NLGN1: variants seen among roughly 807,000 people sequenced by gnomAD.
NLGN1 encodes neuroligin-1.
Under a neutral mutation model 65.5 loss-of-function variants are expected in NLGN1, and 12 were observed. The ratio of observed to expected loss-of-function variants is 0.18; its 90% CI spans 0.12 to 0.30. The LOEUF is 0.30. Ranked by LOEUF, NLGN1 falls within the 10% of genes least tolerant of loss-of-function variation. The pLI, the probability that NLGN1 is intolerant of heterozygous loss-of-function variation, is 1.00. For missense variants in NLGN1, 750 were observed against 1,007.1 expected (o/e 0.74, Z 3.46); for synonymous variants, 350 against 359.5 (o/e 0.97, Z 0.30).
At chr3:173,685,372 G>A (rs1341272817) in intron 3 of NLGN1, among the ~76,000 whole-genome samples, 1 of 152,128 alleles carries the variant, frequency 6.6e-6, no homozygotes, top group Non-Finnish European at 1.5e-5. Flanking sequence ...GAGGTTACTA[G>A]TATCTTATGA....
intron 4 of NLGN1, among the ~76,000 whole-genome samples, chr3:174,157,985 A>G (rs2152714888): frequency 1.3e-5 from 2 of 151,908 alleles, no homozygotes; most frequent in East Asian, 1.9e-4. Context: ...TTCTGCCTTA[A>G]GTAGAAAGTA....
intron 4 of NLGN1, among the ~76,000 whole-genome samples, chr3:173,985,160 T>G (rs761896613): frequency 6.6e-6 from 1 of 152,196 alleles, no homozygotes; most frequent in Non-Finnish European, 1.5e-5. Flanking sequence ...AATAGAGAAT[T>G]ATGACGATTT....
At chr3:173,512,502 C>T (rs902291394) in intron 2 of NLGN1, among the ~76,000 whole-genome samples, 3 of 152,138 alleles carry the variant, frequency 2.0e-5, no homozygotes, top group Admixed American at 6.5e-5. Flanking sequence ...TGCTTCTTCC[C>T]GATGTCCAGC....
rs184623265 is a variant in NLGN1 at position 173,605,167 on chromosome 3, A to T, written c.493+76A>T. On this transcript the variant is annotated intron_variant, in intron 3 of 6. Coordinates refer to ENST00000457714, the Ensembl canonical transcript of NLGN1. ...TTCTAAGTTCTAACAATATTAATTC[A>T]TGTGTACTGGTAGTATGCATGGCTT... is the stretch of plus-strand genomic sequence containing the variant. The T allele has an allele frequency of 3.3e-6, 4 of 1,210,370 alleles. No individual in the cohort carries two copies. The East Asian group carries it at 1.0e-4, about 30-fold the overall frequency. The allele number at this position is 1,210,370 out of a possible 1,614,324, so 75.0% of individuals were successfully genotyped here.
chr3:173,906,808 C>G (rs1042399721), intron 4 of NLGN1, among the ~76,000 whole-genome samples: 2 of 148,308 alleles, frequency 1.3e-5, no homozygotes, highest in Non-Finnish European at 3.0e-5. Flanking sequence ...ATGATCGTGC[C>G]TATGATTAGC....
Position 174,114,969 on chromosome 3 carries a change from T to C in NLGN1, c.647-160346T>C, listed in dbSNP as rs190079578. Among the ~76,000 whole-genome samples the C allele has an allele frequency of 6.6e-5, 10 of 152,222 alleles. No homozygotes were observed. The East Asian group carries it at 1.9e-3, about 29-fold the overall frequency. Reference sequence around the variant, plus strand: ...AATTTGCTTAAGAGTATATAGCCAATAAGGAGCAGCAATTGGATCAGAATC... The same window carrying C: ...AATTTGCTTAAGAGTATATAGCCAACAAGGAGCAGCAATTGGATCAGAATC... On this transcript the variant is annotated intron_variant, in intron 4 of 6. Coordinates refer to ENST00000457714, the Ensembl canonical transcript of NLGN1.
intron 4 of NLGN1, among the ~76,000 whole-genome samples, chr3:174,201,871 A>T (rs1482779343): frequency 6.6e-6 from 1 of 151,902 alleles, no homozygotes; most frequent in African/African-American, 2.4e-5. Flanking sequence ...ATTTGCCCTG[A>T]CCTTTTTAGG....
chr3:174,059,382 C>A (rs1412398910), intron 4 of NLGN1, among the ~76,000 whole-genome samples: 2 of 152,026 alleles, frequency 1.3e-5, no homozygotes, highest in Admixed American at 6.6e-5. Flanking sequence ...TTTTTCATTG[C>A]AAATGGGATG....
At chr3:173,876,172 T>G (rs1465897872) in intron 4 of NLGN1, among the ~76,000 whole-genome samples, 1 of 152,124 alleles carries the variant, frequency 6.6e-6, no homozygotes, top group Non-Finnish European at 1.5e-5. Context: ...AAACAAGATG[T>G]ATAATTTTTG....
At chr3:174,276,438 A>G (rs1750599794) in intron 5 of NLGN1, among the ~76,000 whole-genome samples, 1 of 151,650 alleles carries the variant, frequency 6.6e-6, no homozygotes, top group Admixed American at 6.6e-5. Flanking sequence ...AGGAAGACAG[A>G]TAATATATAA....
chr3:173,676,453 G>T (rs2149762316), intron 3 of NLGN1, among the ~76,000 whole-genome samples: 1 of 152,212 alleles, frequency 6.6e-6, no homozygotes, highest in East Asian at 1.9e-4. Context: ...TCAGTATCCA[G>T]AAATTGCTAA....
In NLGN1 at chr3:174,127,687, A is replaced by G. The variant is rs1291183516; in HGVS notation, c.647-147628A>G. 3.3e-5 allele frequency among the ~76,000 whole-genome samples: 5 copies of G among 152,148 alleles called. No individual in the cohort carries two copies. In the East Asian group the frequency reaches 9.6e-4, roughly 29 times the overall value. ...AAAAGGTACACGTAGCAGGTACTTA[A>G]TAGAGGCTTGAGTTGAGTGTAATAA... On this transcript the variant is annotated intron_variant, in intron 4 of 6. Coordinates refer to ENST00000457714, the Ensembl canonical transcript of NLGN1.
intron 4 of NLGN1, among the ~76,000 whole-genome samples, chr3:174,270,125 C>A (rs915120155): frequency 8.3e-6 from 1 of 120,088 alleles, no homozygotes. Flanking sequence ...GGTTTCCTTT[C>A]TTTTTTTTTT....
chr3:173,702,036 G>A (rs1767252372), intron 3 of NLGN1, among the ~76,000 whole-genome samples: 3 of 151,968 alleles, frequency 2.0e-5, no homozygotes, highest in African/African-American at 4.8e-5. Flanking sequence ...TCAGGAGATC[G>A]AGACCATCCC....
chr3:173,546,421 C>G (rs1417182745), intron 2 of NLGN1, among the ~76,000 whole-genome samples: 1 of 152,042 alleles, frequency 6.6e-6, no homozygotes. Flanking sequence ...CATCCAATCC[C>G]TAAAATACTG....
chr3:173,415,943 A>AGAGAGAGCGC (rs141095727), intron 1 of NLGN1, among the ~76,000 whole-genome samples: 1 of 142,826 alleles, frequency 7.0e-6, no homozygotes, highest in African/African-American at 2.8e-5. Context: ...AGAGAGAGAG[A>AGAGAGAGCGC]GCTTGGTATA....
intron 2 of NLGN1, among the ~76,000 whole-genome samples, chr3:173,561,700 C>A (rs1162048824): frequency 1.3e-5 from 2 of 152,122 alleles, no homozygotes; most frequent in African/African-American, 4.8e-5. Flanking sequence ...ATATTTATTA[C>A]CTTACTAATC....
chr3:174,081,275 C>T (rs560575726), intron 4 of NLGN1, among the ~76,000 whole-genome samples: 19 of 152,078 alleles, frequency 1.2e-4, no homozygotes, highest in Admixed American at 1.2e-3. Flanking sequence ...TAGAAGCTTC[C>T]TTTCTTAGTC....
At chr3:174,112,761 T>C (rs1050468309) in intron 4 of NLGN1, among the ~76,000 whole-genome samples, 2 of 151,950 alleles carry the variant, frequency 1.3e-5, no homozygotes, top group African/African-American at 4.8e-5. Flanking sequence ...AAAAATATGT[T>C]AGATTAAAAT....
Sources: allele counts gnomAD v4.1 joint callset (sites outside exome capture counted in the v4.1 genomes callset), GRCh38; gene constraint gnomAD v4.1.1; transcripts MANE v1.5; gene names NCBI Gene and HGNC (gene_info 2026-07-23, HGNC 2026-07-21).